The following PMM2 variants were observed in gnomAD, a reference collection of about 807,000 sequenced individuals.
PMM2 encodes phosphomannomutase 2.
PMM2 carries 35 observed loss-of-function variants against 33.2 expected under a neutral mutation model. The observed-to-expected ratio is 1.06, with a 90% CI of 0.81 to 1.40. The LOEUF is 1.40. Among genes scored for constraint, PMM2 ranks in the 40% most tolerant of loss-of-function variants. PMM2 has a pLI of 0.00. For missense variants in PMM2, 386 were observed against 306.0 expected (o/e 1.26, Z -1.95); for synonymous variants, 153 against 114.7 (o/e 1.33, Z -2.13).
At position 8,849,250 on chromosome 16, in the gene PMM2, G is replaced by C. The variant is rs572550363; in HGVS notation, c.*1425G>C. On this transcript the variant is annotated 3_prime_UTR_variant, in exon 8 of 8. Transcript: ENST00000268261. Reference sequence around the variant, plus strand: ...GACTCACAGGACACAGCCATCCAGCGGCATCTTTCCTTGTCGAATGATACT... The same window carrying C: ...GACTCACAGGACACAGCCATCCAGCCGCATCTTTCCTTGTCGAATGATACT... The C allele has an allele frequency of 3.3e-5, 5 of 152,272 alleles. No individual in the cohort carries two copies. The highest frequency in any genetic ancestry group is 6.5e-5 in the Admixed American group (1 of 15,288). The allele number at this position is 152,272 out of a possible 1,614,324, so 9.4% of individuals were successfully genotyped here. A position where few individuals can be genotyped will look rare whatever the true frequency, so the allele number is the denominator to read the frequency against.
chr16:8,843,226 C>A (rs1411833069), intron 7 of PMM2, among the ~76,000 whole-genome samples: 2 of 152,040 alleles, frequency 1.3e-5, no homozygotes, highest in African/African-American at 4.8e-5. Context: ...GAAAAGAAGG[C>A]AACATGGAGT....
intron 2 of PMM2, among the ~76,000 whole-genome samples, chr16:8,804,006 GTTTTTTGTTTTTTGGGTT>G (rs1355236386): frequency 8.6e-5 from 10 of 116,502 alleles, no homozygotes; most frequent in Non-Finnish European, 1.6e-4. Context: ...TTAGTGCTTT[GTTTTTTGTTTTTTGGGTT>G]TTTTTTGTTT....
chr16:8,804,021 G>GTTT (rs113764347), intron 2 of PMM2, among the ~76,000 whole-genome samples: 16 of 72,624 alleles, frequency 2.2e-4, no homozygotes, highest in African/African-American at 7.3e-4. Flanking sequence ...TTGTTTTTTG[G>GTTT]GTTTTTTTTG....
chr16:8,798,119 C>T (rs557404009), intron 1 of PMM2, among the ~76,000 whole-genome samples, 171 bp downstream of exon 1: 1 of 152,212 alleles, frequency 6.6e-6, no homozygotes, highest in Non-Finnish European at 1.5e-5. Context: ...GAGGCCCTAA[C>T]CAGCTCTTGA....
intron 7 of PMM2, among the ~76,000 whole-genome samples, chr16:8,838,939 C>T (rs1169925308): frequency 6.6e-5 from 10 of 151,952 alleles, no homozygotes; most frequent in South Asian, 2.1e-4. Flanking sequence ...AGCAAGGCCT[C>T]GGTGGTTTTG....
chr16:8,830,742 A>G (rs1178574674), intron 7 of PMM2, among the ~76,000 whole-genome samples: 2 of 152,212 alleles, frequency 1.3e-5, no homozygotes, highest in East Asian at 3.9e-4. Context: ...CCAAAACCAT[A>G]ATTTCTAATC....
At chr16:8,813,129 A>C in intron 7 of PMM2, 23 bp downstream of exon 7, 1 of 1,408,262 alleles carries the variant, frequency 7.1e-7, no homozygotes, top group Non-Finnish European at 1.0e-6. Context: ...GTGTTTGTGC[A>C]CCTTCATTGT....
At chr16:8,847,421 G>T (rs1392463850) in intron 7 of PMM2, among the ~76,000 whole-genome samples, 2 of 148,458 alleles carry the variant, frequency 1.3e-5, no homozygotes, top group African/African-American at 4.9e-5. Context: ...ACTGTCACTC[G>T]CTGATGCCTT....
chr16:8,823,179 A>AC, intron 7 of PMM2, among the ~76,000 whole-genome samples: 1 of 152,336 alleles, frequency 6.6e-6, no homozygotes, highest in African/African-American at 2.4e-5. Context: ...ATCTTTAGTT[A>AC]TAGAGGAGGA....
chr16:8,811,601 A>C (rs771398330), intron 5 of PMM2, 37 bp from the exon 6 acceptor site: 5 of 1,320,048 alleles, frequency 3.8e-6, no homozygotes, highest in Non-Finnish European at 5.5e-6. Flanking sequence ...CTAAACTGCA[A>C]TACAAGAAAC....
intron 7 of PMM2, among the ~76,000 whole-genome samples, chr16:8,842,847 C>T (rs1004603785): frequency 6.6e-6 from 1 of 151,784 alleles, no homozygotes; most frequent in Non-Finnish European, 1.5e-5. Flanking sequence ...TGGCGTTGAG[C>T]GGGGTAAGGG....
chr16:8,837,631 G>A (rs1389217603), intron 7 of PMM2, among the ~76,000 whole-genome samples: 7 of 151,752 alleles, frequency 4.6e-5, no homozygotes, highest in South Asian at 2.1e-4. Flanking sequence ...ATAAGGGATC[G>A]GGGCGCAGAG....
intron 1 of PMM2, 45 bp downstream of exon 1, chr16:8,797,993 T>C: frequency 6.4e-7 from 1 of 1,555,178 alleles, no homozygotes; most frequent in East Asian, 2.4e-5. Context: ...GCGGAGCCCG[T>C]GCTGTTCCCA....
In PMM2 at chr16:8,798,091, C is replaced by T. The variant is rs865885168; in HGVS notation, c.66+143C>T. ...ACGGCGCTGAACCCTATTCTGGGTG[C>T]ACTGGAGGAATGAGAGGGAGGCCCT... On this transcript the variant is annotated intron_variant, in intron 1 of 7. Transcript: ENST00000268261. 2.8e-5 allele frequency: 22 copies of T among 787,640 alleles called. 2 individuals carry two copies. The highest frequency in any genetic ancestry group is 2.1e-4 in the South Asian group (14 of 67,770). 48.8% of individuals were successfully genotyped at this position (787,640 alleles called of 1,614,324 possible).
At chr16:8,805,437 A>G (rs2060641925) in intron 3 of PMM2, among the ~76,000 whole-genome samples, 1 of 151,732 alleles carries the variant, frequency 6.6e-6, no homozygotes. Context: ...GTGCAATCCC[A>G]GTGGCCTAGA....
intron 7 of PMM2, chr16:8,832,050 A>G: frequency 1.4e-6 from 1 of 739,034 alleles, no homozygotes; most frequent in Non-Finnish European, 1.7e-6. Context: ...CCGGTTCTCT[A>G]GCCTTATTAT....
At chr16:8,837,516 C>T (rs1416949335) in intron 7 of PMM2, among the ~76,000 whole-genome samples, 1 of 149,204 alleles carries the variant, frequency 6.7e-6, no homozygotes, top group African/African-American at 2.5e-5. Context: ...AGTAGAGACA[C>T]GGAGAAGGGG....
intron 1 of PMM2, among the ~76,000 whole-genome samples, chr16:8,798,732 G>T (rs899772671): frequency 5.9e-5 from 9 of 152,124 alleles, no homozygotes; most frequent in Non-Finnish European, 1.0e-4. Flanking sequence ...GCCTTGAGGT[G>T]AGGCTCTCCT....
chr16:8,845,606 T>A (rs571692033), intron 7 of PMM2, among the ~76,000 whole-genome samples: 49 of 151,402 alleles, frequency 3.2e-4, no homozygotes, highest in Non-Finnish European at 6.5e-4. Flanking sequence ...TTCTTTTGAG[T>A]CTCGCTCTGT....
Sources: allele counts gnomAD v4.1 joint callset (sites outside exome capture counted in the v4.1 genomes callset), GRCh38; gene constraint gnomAD v4.1.1; transcripts MANE v1.5; gene names NCBI Gene and HGNC (gene_info 2026-07-23, HGNC 2026-07-21).